Variants in CALCRL observed in about 807,000 individuals in gnomAD.
CALCRL encodes calcitonin receptor like receptor, also known as calcitonin gene-related peptide type 1 receptor.
Under a neutral mutation model 60.4 loss-of-function variants are expected in CALCRL, and 27 were observed. The ratio of observed to expected loss-of-function variants is 0.45; its 90% CI spans 0.33 to 0.62. The LOEUF (loss-of-function observed/expected upper bound fraction) is 0.62, where lower values mean the gene tolerates loss of function less well. CALCRL is among the 20% of genes least tolerant of loss of function. The pLI, the probability that CALCRL is intolerant of heterozygous loss-of-function variation, is 0.03. For missense variants in CALCRL, 424 were observed against 540.7 expected (o/e 0.78, Z 2.14); for synonymous variants, 190 against 182.6 (o/e 1.04, Z -0.33).
rs572494326 is a variant in CALCRL, at chr2:187,398,777, C to T, written c.-292-11021G>A. Among the ~76,000 whole-genome samples the T allele has an allele frequency of 3.3e-5, 5 of 151,636 alleles. No individual in the cohort carries two copies. In the South Asian group the frequency reaches 6.2e-4, roughly 19 times the overall value. ...TGCTGGGGTTGCAAAGCAAGTAGGG[C>T]ATGAATATCAGACGATTCTCATGCA... On this transcript the variant is annotated intron_variant, in intron 1 of 14. Coordinates refer to ENST00000392370, the MANE Select transcript of CALCRL (RefSeq NM_005795.6).
intron 14 of CALCRL, among the ~76,000 whole-genome samples, chr2:187,348,082 AATTT>A (rs1432020553): frequency 2.6e-5 from 4 of 151,716 alleles, no homozygotes; most frequent in Admixed American, 2.0e-4. Flanking sequence ...TAAGGCAACA[AATTT>A]ATTTATCTTG....
chr2:187,367,814 T>A (rs776965258), intron 8 of CALCRL, among the ~76,000 whole-genome samples: 1 of 152,100 alleles, frequency 6.6e-6, no homozygotes, highest in Non-Finnish European at 1.5e-5. Flanking sequence ...TCCAGATTGT[T>A]TGTATTTCAT....
chr2:187,379,045 A>G lies in CALCRL; in HGVS notation c.409-14T>C, dbSNP rs1221536343. ...ATTTAGTGCAGTCTGTAATTTGTAT[A>G]AACAAAAAAATTTGGTTCATATCAA... is the stretch of plus-strand genomic sequence containing the variant. On this transcript the variant is annotated splice_polypyrimidine_tract_variant and intron_variant, in intron 7 of 14. Coordinates refer to ENST00000392370, the MANE Select transcript of CALCRL (RefSeq NM_005795.6). 6.5e-7 allele frequency: 1 copy of G among 1,537,610 alleles called. No homozygotes were observed. Among genetic ancestry groups the G allele is most frequent in the Admixed American group, 1.7e-5 (1 of 58,926 alleles).
intron 1 of CALCRL, among the ~76,000 whole-genome samples, chr2:187,405,860 A>C (rs1689094835): frequency 6.6e-6 from 1 of 152,008 alleles, no homozygotes. Flanking sequence ...CTTAGTATGC[A>C]ATAACTAGGG....
intron 1 of CALCRL, among the ~76,000 whole-genome samples, chr2:187,444,906 T>G (rs1394851995): frequency 9.9e-5 from 15 of 151,568 alleles, no homozygotes. Context: ...ATCCATCTGG[T>G]TAGAATGTAG....
intron 10 of CALCRL, among the ~76,000 whole-genome samples, chr2:187,359,553 T>C (rs1371106305): frequency 6.6e-6 from 1 of 152,148 alleles, no homozygotes; most frequent in Non-Finnish European, 1.5e-5. Context: ...ACTCTTAAGA[T>C]GTGTTTCCTA....
rs535737704 is a variant in CALCRL at position 187,420,101 on chromosome 2, C to T, written c.-293+27938G>A. Among the ~76,000 whole-genome samples, 21 of 152,254 alleles carry T rather than the reference C, an allele frequency of 1.4e-4. No homozygotes were observed. The South Asian group carries it at 4.1e-3, about 30-fold the overall frequency. ...GATGCTAACATTTCAAGAAAGCCTTCAGGACAAGAACATTAAAAAATCATT... is the reference window on the plus strand; with the variant it reads ...GATGCTAACATTTCAAGAAAGCCTTTAGGACAAGAACATTAAAAAATCATT... On this transcript the variant is annotated intron_variant, in intron 1 of 14. Transcript: ENST00000392370.
At chr2:187,391,491 G>T (rs1000903055) in intron 1 of CALCRL, among the ~76,000 whole-genome samples, 1 of 152,084 alleles carries the variant, frequency 6.6e-6, no homozygotes, top group African/African-American at 2.4e-5. Context: ...GGTTTGTTTA[G>T]TAGGAAAAGA....
chr2:187,364,924 A>C (rs1687211297), intron 8 of CALCRL, among the ~76,000 whole-genome samples: 1 of 152,210 alleles, frequency 6.6e-6, no homozygotes, highest in Non-Finnish European at 1.5e-5. Context: ...CCATCAAAAT[A>C]GAAACAACTG....
chr2:187,378,700 C>T (rs1291532352), intron 8 of CALCRL, among the ~76,000 whole-genome samples: 2 of 152,064 alleles, frequency 1.3e-5, no homozygotes, highest in South Asian at 2.1e-4. Context: ...TTTGGACTCC[C>T]TTCTTATTAT....
At position 187,404,613 on chromosome 2, in the gene CALCRL, C is replaced by T. The variant is rs1689035946; in HGVS notation, c.-292-16857G>A. Among the ~76,000 whole-genome samples the T allele has an allele frequency of 4.0e-5, 6 of 150,678 alleles. No individual in the cohort carries two copies. The South Asian group carries it at 1.3e-3, about 31-fold the overall frequency. On this transcript the variant is annotated intron_variant, in intron 1 of 14. Coordinates refer to ENST00000392370, the MANE Select transcript of CALCRL (RefSeq NM_005795.6). The stretch of plus-strand genomic sequence containing the variant: ...GTATTTTTCTCAAACTGCAGCTTGG[C>T]TCGTAGTTTACCGTGTGTGTCTGTC...
rs568834858 is a variant in CALCRL at position 187,343,514 on chromosome 2, C to G, written c.*2670G>C. On this transcript the variant is annotated 3_prime_UTR_variant, in exon 15 of 15. Transcript: ENST00000392370. Reference sequence around the variant, plus strand: ...TACAGCACTACAGCCACCACTAATTCTATATACATTGGATTACATTTAAAC... The same window carrying G: ...TACAGCACTACAGCCACCACTAATTGTATATACATTGGATTACATTTAAAC... 2.0e-5 allele frequency: 3 copies of G among 151,896 alleles called. No individual in the cohort carries two copies. The South Asian group carries it at 6.2e-4, about 31-fold the overall frequency. The allele number at this position is 151,896 out of a possible 1,614,324, so 9.4% of individuals were successfully genotyped here. A position where few individuals can be genotyped will look rare whatever the true frequency, so the allele number is the denominator to read the frequency against.
intron 8 of CALCRL, among the ~76,000 whole-genome samples, chr2:187,376,379 G>A (rs1054486013): frequency 1.3e-5 from 2 of 151,864 alleles, no homozygotes; most frequent in Non-Finnish European, 2.9e-5. Context: ...AACACTCTTG[G>A]TGTGGTACCT....
At chr2:187,402,220 A>G (rs950785249) in intron 1 of CALCRL, among the ~76,000 whole-genome samples, 1 of 151,632 alleles carries the variant, frequency 6.6e-6, no homozygotes, top group South Asian at 2.1e-4. Context: ...TTAAAACCTC[A>G]TATGTTCCAA....
intron 8 of CALCRL, among the ~76,000 whole-genome samples, chr2:187,376,289 C>T (rs1438895910): frequency 6.6e-6 from 1 of 151,756 alleles, no homozygotes; most frequent in African/African-American, 2.4e-5. Context: ...GTTTATTATA[C>T]CAACTGTATT....
rs1687027364 is a variant in CALCRL, at chr2:187,360,901, C to T, written c.628-150G>A. 5 of 608,980 alleles carry T rather than the reference C, an allele frequency of 8.2e-6. No individual in the cohort carries two copies. In the South Asian group the frequency reaches 1.2e-4, roughly 14 times the overall value. 37.7% of individuals were successfully genotyped at this position (608,980 alleles called of 1,614,324 possible). A position where few individuals can be genotyped will look rare whatever the true frequency, so the allele number is the denominator to read the frequency against. Reference sequence around the variant, plus strand: ...TTAGGATTTGTGGAATGCCAGTCTTCGTATTCATGTAATGATGCCTTTAGT... The same window carrying T: ...TTAGGATTTGTGGAATGCCAGTCTTTGTATTCATGTAATGATGCCTTTAGT... On this transcript the variant is annotated intron_variant, in intron 9 of 14. Transcript: ENST00000392370.
At chr2:187,421,450 G>A (rs1022622040) in intron 1 of CALCRL, among the ~76,000 whole-genome samples, 4 of 152,174 alleles carry the variant, frequency 2.6e-5, no homozygotes, top group African/African-American at 9.7e-5. Flanking sequence ...TTGCAAGCCA[G>A]TCTCTTTCAT....
Position 187,380,589 on chromosome 2 carries a change from TA to T in CALCRL, c.296-11del, listed in dbSNP as rs574900767. The T allele has an allele frequency of 4.3e-4, 683 of 1,578,512 alleles. No individual in the cohort carries two copies. Among genetic ancestry groups the T allele is most frequent in the African/African-American group, 9.1e-4 (67 of 73,340 alleles). On this transcript the variant is annotated splice_polypyrimidine_tract_variant and intron_variant, in intron 6 of 14. Transcript: ENST00000392370. ...ATCTTTGTAACTTTTTCTTTAAAAT[TA>T]AAAAAAAAGGGAAAACAGGAATTTA...
intron 1 of CALCRL, among the ~76,000 whole-genome samples, chr2:187,420,132 G>A (rs776295549): frequency 2.0e-5 from 3 of 152,164 alleles, no homozygotes; most frequent in African/African-American, 4.8e-5. Context: ...TCATTTTCAT[G>A]TAGTGCTTGA....
Sources: allele counts gnomAD v4.1 joint callset (sites outside exome capture counted in the v4.1 genomes callset), GRCh38; gene constraint gnomAD v4.1.1; transcripts MANE v1.5; gene names NCBI Gene and HGNC (gene_info 2026-07-23, HGNC 2026-07-21).